WDR5: variants seen among roughly 807,000 people sequenced by gnomAD.
WDR5 encodes WD repeat-containing protein 5.
For missense variants in WDR5, 187 were observed against 416.9 expected (o/e 0.45, Z 4.80); for synonymous variants, 144 against 161.6 (o/e 0.89, Z 0.83).
At chr9:134,154,801 G>C (rs1015224439) in intron 10 of WDR5, among the ~76,000 whole-genome samples, 3 of 152,210 alleles carry the variant, frequency 2.0e-5, no homozygotes, top group Admixed American at 6.5e-5. Context: ...GCCAGGGCAG[G>C]CCTAGCCATC....
rs752159564 is a variant in WDR5 at position 134,156,613 on chromosome 9, C to T, written c.904+20C>T. On this transcript the variant is annotated intron_variant, in intron 13 of 13. Coordinates refer to ENST00000358625, the MANE Select transcript of WDR5 (RefSeq NM_017588.3). Reference sequence around the variant, plus strand: ...ACACAGGTGAGGGCCTGCGCTCCTGCAGTCACTGGCTGCCTGTTGATGTGA... The same window carrying T: ...ACACAGGTGAGGGCCTGCGCTCCTGTAGTCACTGGCTGCCTGTTGATGTGA... 6.2e-7 allele frequency: 1 copy of T among 1,612,304 alleles called. No homozygotes were observed. The highest frequency in any genetic ancestry group is 8.5e-7 in the Non-Finnish European group (1 of 1,178,422).
chr9:134,145,043 C>T (rs999782520), intron 7 of WDR5, among the ~76,000 whole-genome samples: 2 of 151,370 alleles, frequency 1.3e-5, no homozygotes, highest in Non-Finnish European at 2.9e-5. Flanking sequence ...TGTCTCCACT[C>T]CACAGCTGCT....
Position 134,149,943 on chromosome 9 carries a change from G to A in WDR5, c.584+1600G>A, listed in dbSNP as rs148497064. ...TATGGTGCCTTAAGGAGCAGTCACC[G>A]CTGAAGAGGCTGGAAAAGGGGATTG... On this transcript the variant is annotated intron_variant, in intron 8 of 13. Transcript: ENST00000358625. Among the ~76,000 whole-genome samples, 58 of 152,292 alleles carry A rather than the reference G, an allele frequency of 3.8e-4. 1 individual carries two copies. The highest frequency in any genetic ancestry group is 1.3e-3 in the African/African-American group (53 of 41,558).
intron 7 of WDR5, among the ~76,000 whole-genome samples, chr9:134,144,602 G>A (rs1021984444): frequency 2.6e-5 from 4 of 152,166 alleles, no homozygotes; most frequent in Non-Finnish European, 4.4e-5. Context: ...CACTTTGGGT[G>A]GCTGAGGCAG....
chr9:134,138,248 G>A (rs1437340638), intron 1 of WDR5, among the ~76,000 whole-genome samples: 1 of 152,204 alleles, frequency 6.6e-6, no homozygotes, highest in African/African-American at 2.4e-5. Flanking sequence ...GACAGGAGCT[G>A]CTCGGCCTTC....
At chr9:134,141,057 G>A (rs1320876368) in intron 3 of WDR5, among the ~76,000 whole-genome samples, 2 of 152,216 alleles carry the variant, frequency 1.3e-5, no homozygotes, top group African/African-American at 4.8e-5. Flanking sequence ...GCAGAGGCAG[G>A]CGGATCACGA....
intron 12 of WDR5, 90 bp from the exon 13 acceptor site, chr9:134,156,416 C>T (rs909673572): frequency 8.2e-5 from 108 of 1,315,614 alleles, no homozygotes; most frequent in Non-Finnish European, 1.2e-4. Context: ...GGGCGTGGGG[C>T]AGGGCATAAC....
At chr9:134,152,140 C>A in intron 9 of WDR5, 111 bp downstream of exon 9, 1 of 1,295,544 alleles carries the variant, frequency 7.7e-7, no homozygotes, top group Non-Finnish European at 1.1e-6. Context: ...TGGGTCCGCC[C>A]CTGCAGGAGG....
rs956187160 is a variant in WDR5, at chr9:134,154,407, T to A, written c.632-59T>A. 6 of 1,575,470 alleles carry A rather than the reference T, an allele frequency of 3.8e-6. No individual in the cohort carries two copies. In the Admixed American group the frequency reaches 1.0e-4, roughly 26 times the overall value. On this transcript the variant is annotated intron_variant, in intron 9 of 13. Coordinates refer to ENST00000358625, the MANE Select transcript of WDR5 (RefSeq NM_017588.3). ...TGGGGGATGGGGAGCGGGTCCCACC[T>A]CCTGTCCCTGCCTGGCTGTCAGCGC...
intron 1 of WDR5, among the ~76,000 whole-genome samples, chr9:134,138,356 C>G (rs536157821): frequency 7.5e-4 from 113 of 151,338 alleles, no homozygotes; most frequent in Non-Finnish European, 1.2e-3. Context: ...CTGTCTAACG[C>G]TAGGACTGTT....
chr9:134,156,645 T>G (rs753157570), intron 13 of WDR5, 52 bp downstream of exon 13: 1 of 1,584,412 alleles, frequency 6.3e-7, no homozygotes, highest in African/African-American at 1.3e-5. Flanking sequence ...GTGAGGACAG[T>G]TCCTGCAGGT....
rs1564189356 is a variant in WDR5, at chr9:134,141,984, C to G, written c.300C>G (p.Asn100Lys). The G allele has an allele frequency of 6.2e-7, 1 of 1,614,208 alleles. No individual in the cohort carries two copies. Among genetic ancestry groups the G allele is most frequent in the Non-Finnish European group, 8.5e-7 (1 of 1,180,048 alleles). The change falls in exon 5 of 14, where the codon AAC (asparagine) becomes AAG (lysine). Residue 100 changes from asparagine to lysine, a missense_variant. Asn to Lys is a moderately conservative substitution (Grantham distance 94, BLOSUM62 0). Coordinates refer to ENST00000358625, the MANE Select transcript of WDR5 (RefSeq NM_017588.3). The part of the protein sequence containing the change: ...ISDVAWSSDS[N>K]LLVSASDDKT... ...ATGTAGCCTGGTCGTCAGATTCTAA[C>G]CTTCTTGTTTCTGCCTCAGATGACA...
rs1040777643 is a variant in WDR5, at chr9:134,158,036, C to G, written c.*43C>G. On this transcript the variant is annotated 3_prime_UTR_variant, in exon 14 of 14. Coordinates refer to ENST00000358625, the MANE Select transcript of WDR5 (RefSeq NM_017588.3). The stretch of plus-strand genomic sequence containing the variant: ...CGCGAGAGACTGTCGGGAAGTTGAC[C>G]CGGATTGGCAAGAAACAGGGTGTCT... 48 of 1,587,608 alleles carry G rather than the reference C, an allele frequency of 3.0e-5. No individual in the cohort carries two copies. Among genetic ancestry groups the G allele is most frequent in the Non-Finnish European group, 4.1e-5 (47 of 1,156,796 alleles).
intron 7 of WDR5, among the ~76,000 whole-genome samples, chr9:134,145,096 G>GT (rs56864188): frequency 0.12 from 12,571 of 104,390 alleles, 1,321 homozygotes; most frequent in South Asian, 0.16. Context: ...GTGGGGCTTT[G>GT]TTTTTTTTTT....
At chr9:134,139,990 C>T (rs377174563) in intron 2 of WDR5, 32 bp downstream of exon 2, 74 of 1,611,398 alleles carry the variant, frequency 4.6e-5, no homozygotes, top group South Asian at 1.1e-4. Flanking sequence ...GGACACCTTC[C>T]GGGGGCAAAT....
chr9:134,144,180 A>T (rs28654852), intron 7 of WDR5, among the ~76,000 whole-genome samples: 2,719 of 152,328 alleles, frequency 0.018, 80 homozygotes, highest in African/African-American at 0.062. Context: ...AGCCCCGCAC[A>T]TAGCTGGGCC....
Position 134,154,675 on chromosome 9 carries a change from T to G in WDR5, c.707+134T>G, listed in dbSNP as rs1472888651. ...CCAGGCTCCTGGTGGAGCTTCGGCTTCTGGGCAGTGGCCTGTTAGGTCGGA... is the reference window on the plus strand; with the variant it reads ...CCAGGCTCCTGGTGGAGCTTCGGCTGCTGGGCAGTGGCCTGTTAGGTCGGA... On this transcript the variant is annotated intron_variant, in intron 10 of 13. Coordinates refer to ENST00000358625, the MANE Select transcript of WDR5 (RefSeq NM_017588.3). 7 of 1,007,174 alleles carry G rather than the reference T, an allele frequency of 7.0e-6. No homozygotes were observed. The Admixed American group carries it at 1.2e-4, about 18-fold the overall frequency. 62.4% of individuals were successfully genotyped at this position (1,007,174 alleles called of 1,614,324 possible). A position where few individuals can be genotyped will look rare whatever the true frequency, so the allele number is the denominator to read the frequency against.
chr9:134,152,937 G>A (rs1333549815), intron 9 of WDR5, among the ~76,000 whole-genome samples: 2 of 152,192 alleles, frequency 1.3e-5, no homozygotes, highest in Non-Finnish European at 2.9e-5. Context: ...ATGTCCTCTT[G>A]TAAGGACACC....
chr9:134,139,229 C>T (rs950664002), intron 1 of WDR5, among the ~76,000 whole-genome samples: 1 of 152,184 alleles, frequency 6.6e-6, no homozygotes, highest in African/African-American at 2.4e-5. Flanking sequence ...AGTGCGCGAG[C>T]CCTGTGAGCT....
Sources: gnomAD v4.1 joint callset for allele counts (sites outside exome capture counted in the v4.1 genomes callset) on GRCh38, gnomAD v4.1.1 for gene constraint, MANE v1.5 for transcripts, NCBI Gene and HGNC (gene_info 2026-07-23, HGNC 2026-07-21) for gene names.